Variants in SPOCK3 observed in about 807,000 individuals in gnomAD.
The protein encoded by SPOCK3 is testican-3.
SPOCK3 carries 30 observed loss-of-function variants against 56.6 expected under a neutral mutation model. The ratio of observed to expected loss-of-function variants is 0.53; its 90% confidence interval spans 0.40 to 0.72. SPOCK3 has a LOEUF of 0.72. SPOCK3 is among the 30% of genes least tolerant of loss of function. The probability of loss-of-function intolerance (pLI) is 0.00; values close to 1 mark genes in which losing one functional copy is unlikely to be tolerated. For missense variants in SPOCK3, 527 were observed against 530.0 expected (o/e 0.99, Z 0.06); for synonymous variants, 196 against 183.3 (o/e 1.07, Z -0.56).
rs772461594 is a variant in SPOCK3 at position 166,734,972 on chromosome 4, TTCA to T, written c.1248_1250del (p.Asp416del). On this transcript the variant is annotated inframe_deletion, in exon 11 of 11. Coordinates refer to ENST00000357545, the MANE Select transcript of SPOCK3 (RefSeq NM_001040159.2). ...CACCATCATCATCATCCCCTTCATC[TTCA>T]TCATCATCTTCAATTTCATCTTCAT... 102 of 1,517,792 alleles carry T rather than the reference TTCA, an allele frequency of 6.7e-5. 1 individual carries two copies. Among genetic ancestry groups the T allele is most frequent in the East Asian group, 6.3e-4 (28 of 44,212 alleles). The allele number at this position is 1,517,792 out of a possible 1,614,324, so 94.0% of individuals were successfully genotyped here. A position where few individuals can be genotyped will look rare whatever the true frequency, so the allele number is the denominator to read the frequency against.
At chr4:166,788,025 T>G (rs911996590) in intron 7 of SPOCK3, among the ~76,000 whole-genome samples, 1 of 152,138 alleles carries the variant, frequency 6.6e-6, no homozygotes, top group African/African-American at 2.4e-5. Context: ...TCACTAAAAA[T>G]ACAAAAGGTT....
chr4:166,935,660 C>A (rs1579708140), intron 4 of SPOCK3, among the ~76,000 whole-genome samples: 1 of 152,178 alleles, frequency 6.6e-6, no homozygotes, highest in Non-Finnish European at 1.5e-5. Flanking sequence ...AGAGTTTGAG[C>A]ATAAGGGTTA....
chr4:167,117,506 C>T (rs1761527097), intron 2 of SPOCK3, among the ~76,000 whole-genome samples: 3 of 152,076 alleles, frequency 2.0e-5, no homozygotes, highest in African/African-American at 2.4e-5. Context: ...TGAGGGGAAC[C>T]CCCCACCCAC....
chr4:166,785,169 C>G (rs1328676190), intron 7 of SPOCK3, among the ~76,000 whole-genome samples: 1 of 152,018 alleles, frequency 6.6e-6, no homozygotes, highest in East Asian at 1.9e-4. Context: ...TATCGTAAAA[C>G]ATATTTTAAG....
intron 4 of SPOCK3, among the ~76,000 whole-genome samples, chr4:166,976,667 A>G (rs1205722875): frequency 6.6e-6 from 1 of 151,928 alleles, no homozygotes; most frequent in East Asian, 1.9e-4. Context: ...CTCCTTCTTT[A>G]TTTTTCTCCT....
chr4:167,006,625 A>G (rs1242214784), intron 3 of SPOCK3, among the ~76,000 whole-genome samples: 3 of 152,194 alleles, frequency 2.0e-5, no homozygotes, highest in Admixed American at 6.5e-5. Flanking sequence ...AATGCCTAAA[A>G]GCCATCTATT....
At chr4:167,037,767 G>A (rs767564985) in intron 3 of SPOCK3, among the ~76,000 whole-genome samples, 7 of 152,118 alleles carry the variant, frequency 4.6e-5, no homozygotes, top group Non-Finnish European at 1.0e-4. Flanking sequence ...TAACCTTTTA[G>A]GAAAATCTGG....
At chr4:166,837,636 T>G (rs1269495737) in intron 6 of SPOCK3, among the ~76,000 whole-genome samples, 21 of 152,224 alleles carry the variant, frequency 1.4e-4, no homozygotes, top group Admixed American at 1.4e-3. Context: ...AAATATTTCT[T>G]TATCCTGTGG....
intron 2 of SPOCK3, among the ~76,000 whole-genome samples, chr4:167,199,038 A>G (rs1308505793): frequency 3.9e-5 from 6 of 152,226 alleles, no homozygotes; most frequent in Admixed American, 3.9e-4. Context: ...TAAAGTGATC[A>G]CTATTTGTAT....
At chr4:167,217,900 A>G (rs764572481) in intron 2 of SPOCK3, among the ~76,000 whole-genome samples, 3 of 149,688 alleles carry the variant, frequency 2.0e-5, no homozygotes, top group Non-Finnish European at 3.0e-5. Flanking sequence ...TTATTTAAAT[A>G]TACAGTTTCA....
chr4:166,733,803 A>G lies in SPOCK3; in HGVS notation c.*1118T>C, dbSNP rs1160388049. 6.6e-6 allele frequency: 1 copy of G among 152,308 alleles called. No homozygotes were observed. The highest frequency in any genetic ancestry group is 2.4e-5 in the African/African-American group (1 of 41,444). The allele number at this position is 152,308 out of a possible 1,614,324, so 9.4% of individuals were successfully genotyped here. On this transcript the variant is annotated 3_prime_UTR_variant, in exon 11 of 11. Transcript: ENST00000357545. ...TGGCAATTATGTAACAATAGAAAAA[A>G]AGAAACAAACGTATCCCATTTTCTT...
At chr4:166,970,157 C>T (rs753004985) in intron 4 of SPOCK3, among the ~76,000 whole-genome samples, 21 of 152,236 alleles carry the variant, frequency 1.4e-4, no homozygotes, top group Non-Finnish European at 2.5e-4. Flanking sequence ...ATGCTGACTC[C>T]CCCACTTCAT....
At chr4:167,228,381 G>A (rs970561782) in intron 2 of SPOCK3, among the ~76,000 whole-genome samples, 2 of 152,076 alleles carry the variant, frequency 1.3e-5, no homozygotes, top group Admixed American at 1.3e-4. Context: ...AGTTATGAAA[G>A]CTAGAGGGTT....
chr4:166,870,715 T>C (rs1417965394), intron 6 of SPOCK3, among the ~76,000 whole-genome samples: 1 of 152,142 alleles, frequency 6.6e-6, no homozygotes, highest in Admixed American at 6.6e-5. Context: ...GGGAAATTTA[T>C]TGCATTGAAT....
chr4:167,174,099 T>C (rs938901903), intron 2 of SPOCK3, among the ~76,000 whole-genome samples: 13 of 152,274 alleles, frequency 8.5e-5, no homozygotes, highest in African/African-American at 2.9e-4. Context: ...TAACATTTTA[T>C]TCCTTACTTA....
chr4:167,108,640 A>G (rs868389270), intron 2 of SPOCK3, among the ~76,000 whole-genome samples: 37 of 151,734 alleles, frequency 2.4e-4, no homozygotes, highest in African/African-American at 7.5e-4. Flanking sequence ...GAGTAGAAGG[A>G]TGGTTACTAG....
In SPOCK3 at chr4:167,212,347, AT is replaced by A. The variant is rs375423993; in HGVS notation, c.189+21637del. ...ACCTCCGCCTTCCAGTTGCAAGAGAATTTCCTGTCTCAGTCTCCTGAGTACC... is the reference window on the plus strand; with the variant it reads ...ACCTCCGCCTTCCAGTTGCAAGAGAATTCCTGTCTCAGTCTCCTGAGTACC... On this transcript the variant is annotated intron_variant, in intron 2 of 10. Coordinates refer to ENST00000357545, the MANE Select transcript of SPOCK3 (RefSeq NM_001040159.2). Among the ~76,000 whole-genome samples the A allele has an allele frequency of 1.0e-3, 158 of 151,940 alleles. 1 individual carries two copies. Among genetic ancestry groups the A allele is most frequent in the African/African-American group, 3.6e-3 (150 of 41,422 alleles).
chr4:166,819,819 A>T (rs1017966118), intron 6 of SPOCK3, among the ~76,000 whole-genome samples: 3 of 151,718 alleles, frequency 2.0e-5, no homozygotes, highest in African/African-American at 4.8e-5. Flanking sequence ...TCCTGGGTTC[A>T]AGCAATCCTC....
chr4:166,934,080 C>T (rs138445758), intron 4 of SPOCK3, among the ~76,000 whole-genome samples: 88 of 151,904 alleles, frequency 5.8e-4, no homozygotes, highest in Admixed American at 2.0e-3. Flanking sequence ...CTTAATAATG[C>T]ATGAAAAGAG....
Sources: gnomAD v4.1 joint callset for allele counts (sites outside exome capture counted in the v4.1 genomes callset) on GRCh38, gnomAD v4.1.1 for gene constraint, MANE v1.5 for transcripts, NCBI Gene and HGNC (gene_info 2026-07-23, HGNC 2026-07-21) for gene names.